EML5: variants seen among roughly 807,000 people sequenced by gnomAD.
The protein encoded by EML5 is EMAP like 5.
Under a neutral mutation model 250.0 loss-of-function variants are expected in EML5, and 120 were observed. That is an observed-to-expected ratio of 0.48 (90% CI 0.41 to 0.56). EML5 has a LOEUF of 0.56. EML5 is among the 20% of genes least tolerant of loss of function. The pLI, the probability that EML5 is intolerant of heterozygous loss-of-function variation, is 0.00. For missense variants in EML5, 2,006 were observed against 2,437.6 expected, an observed-to-expected ratio of 0.82 and a Z score of 3.73; for synonymous variants, 771 against 806.5, an observed-to-expected ratio of 0.96 and a Z score of 0.75.
At chr14:88,702,745 T>C (rs2093239837) in intron 13 of EML5, 113 bp from the exon 14 acceptor site, 1 of 755,012 alleles carries the variant, frequency 1.3e-6, no homozygotes, top group Middle Eastern at 3.9e-4. Context: ...TTTCCAGTTT[T>C]ACAGGATACT....
intron 10 of EML5, among the ~76,000 whole-genome samples, chr14:88,710,900 T>C (rs1457448130): frequency 6.6e-6 from 1 of 152,218 alleles, no homozygotes; most frequent in African/African-American, 2.4e-5. Context: ...TGAAATAAAA[T>C]TATTGTGCAA....
chr14:88,673,413 G>T (rs1329743452), intron 21 of EML5, among the ~76,000 whole-genome samples: 1 of 152,048 alleles, frequency 6.6e-6, no homozygotes, highest in Non-Finnish European at 1.5e-5. Flanking sequence ...AACCCACAGT[G>T]AGTATCATAC....
chr14:88,691,816 AG>A (rs1236311944), intron 17 of EML5, among the ~76,000 whole-genome samples: 1 of 152,222 alleles, frequency 6.6e-6, no homozygotes, highest in East Asian at 1.9e-4. Context: ...CCCAAAAGTA[AG>A]GAAGGTTGAA....
At chr14:88,643,901 T>G (rs527568086) in intron 30 of EML5, among the ~76,000 whole-genome samples, 30 of 152,312 alleles carry the variant, frequency 2.0e-4, no homozygotes, top group African/African-American at 6.7e-4. Context: ...TTACGTTTGA[T>G]TTAGCAGAGT....
intron 21 of EML5, among the ~76,000 whole-genome samples, chr14:88,666,907 T>C (rs1007742127): frequency 3.3e-5 from 5 of 152,182 alleles, no homozygotes; most frequent in Non-Finnish European, 7.3e-5. Flanking sequence ...AAATCTAAGA[T>C]GTGATTTCTC....
rs146695268 is a variant in EML5, at chr14:88,783,168, G to A, written c.197+9139C>T. Among the ~76,000 whole-genome samples, 89 of 152,364 alleles carry A rather than the reference G, an allele frequency of 5.8e-4. 2 individuals carry two copies. In the East Asian group the frequency reaches 0.017, roughly 29 times the overall value. ...TATGTTGCAGGGGCGGAGCCCTCAT[G>A]GAGAACCTCTGCTAGGGAAGTGCAT... On this transcript the variant is annotated intron_variant, in intron 1 of 43. Transcript: ENST00000554922.
At chr14:88,684,609 A>G (rs1450056661) in intron 20 of EML5, among the ~76,000 whole-genome samples, 1 of 151,954 alleles carries the variant, frequency 6.6e-6, no homozygotes, top group Non-Finnish European at 1.5e-5. Flanking sequence ...GGCTCAACAA[A>G]TATACCTTAT....
rs2087263905 is a variant in EML5 at position 88,614,273 on chromosome 14, A to G, written c.*1545T>C. 6.6e-6 allele frequency: 1 copy of G among 152,196 alleles called. No individual in the cohort carries two copies. Among genetic ancestry groups the G allele is most frequent in the Admixed American group, 6.5e-5 (1 of 15,278 alleles). 9.4% of individuals were successfully genotyped at this position (152,196 alleles called of 1,614,324 possible). ...TAGAAACTTAATAGTCATGTATTTC[A>G]AAATTTGGCTTAATTTAGGAGAATC... On this transcript the variant is annotated 3_prime_UTR_variant, in exon 44 of 44. Coordinates refer to ENST00000554922, the MANE Select transcript of EML5 (RefSeq NM_183387.3).
intron 33 of EML5, among the ~76,000 whole-genome samples, chr14:88,629,669 A>C (rs577081255): frequency 3.3e-5 from 5 of 152,292 alleles, no homozygotes; most frequent in African/African-American, 9.6e-5. Flanking sequence ...CAGGCATGTT[A>C]CTGGGGACAT....
intron 7 of EML5, among the ~76,000 whole-genome samples, chr14:88,728,747 T>C (rs1412337189): frequency 1.3e-5 from 2 of 152,166 alleles, no homozygotes; most frequent in Admixed American, 6.5e-5. Context: ...TTTTGGAGGA[T>C]GTTCAAATTA....
intron 4 of EML5, among the ~76,000 whole-genome samples, chr14:88,742,564 C>G (rs78946296): frequency 7.2e-5 from 11 of 151,904 alleles, no homozygotes; most frequent in African/African-American, 2.7e-4. Flanking sequence ...GAAAATGGAG[C>G]CTTTAGCTTT....
chr14:88,660,723 CAG>C (rs2140936417), intron 25 of EML5, among the ~76,000 whole-genome samples: 1 of 144,648 alleles, frequency 6.9e-6, no homozygotes, highest in South Asian at 2.2e-4. Context: ...AGCCTGGCGA[CAG>C]AGTGAGACTC....
chr14:88,649,972 T>A, intron 27 of EML5, 46 bp from the exon 28 acceptor site: 1 of 1,399,030 alleles, frequency 7.1e-7, no homozygotes. Context: ...CATATAAAAA[T>A]TGATGATGAA....
At position 88,614,460 on chromosome 14, in the gene EML5, A is replaced by G. The variant is rs760722847; in HGVS notation, c.*1358T>C. On this transcript the variant is annotated 3_prime_UTR_variant, in exon 44 of 44. Transcript: ENST00000554922. ...CTATTTTTAGTATTAACCAAGTATT[A>G]GACACAGAAAATAGGTATTAAGAAT... is the stretch of plus-strand genomic sequence containing the variant. 2.0e-5 allele frequency: 3 copies of G among 152,226 alleles called. No homozygotes were observed. The highest frequency in any genetic ancestry group is 2.9e-5 in the Non-Finnish European group (2 of 68,044). 9.4% of individuals were successfully genotyped at this position (152,226 alleles called of 1,614,324 possible).
Position 88,663,132 on chromosome 14 carries a change from T to G in EML5, c.3410-13A>C. The G allele has an allele frequency of 6.6e-7, 1 of 1,523,726 alleles. No individual in the cohort carries two copies. The highest frequency in any genetic ancestry group is 8.8e-7 in the Non-Finnish European group (1 of 1,132,516). The allele number at this position is 1,523,726 out of a possible 1,614,324, so 94.4% of individuals were successfully genotyped here. A position where few individuals can be genotyped will look rare whatever the true frequency, so the allele number is the denominator to read the frequency against. On this transcript the variant is annotated splice_polypyrimidine_tract_variant and intron_variant, in intron 23 of 43. Transcript: ENST00000554922. ...TGTAAAAGCTTTCCTTCAAAAAAAT[T>G]TTTAAAAATATTTACACATATAAAA...
chr14:88,657,250 G>T, intron 27 of EML5, 126 bp downstream of exon 27: 1 of 891,248 alleles, frequency 1.1e-6, no homozygotes, highest in East Asian at 2.8e-5. Flanking sequence ...TCTAAGAGGT[G>T]CTGTGAATTG....
intron 20 of EML5, among the ~76,000 whole-genome samples, chr14:88,682,302 T>C (rs963008185): frequency 6.6e-6 from 1 of 152,042 alleles, no homozygotes; most frequent in Non-Finnish European, 1.5e-5. Flanking sequence ...GAATAGGAAT[T>C]GGCTGCTCTG....
intron 24 of EML5, among the ~76,000 whole-genome samples, chr14:88,662,286 T>TAAA (rs5810420): frequency 2.9e-5 from 3 of 103,512 alleles, no homozygotes; most frequent in Admixed American, 1.0e-4. Flanking sequence ...AGATAAAAAA[T>TAAA]AAAAAAAAAA....
rs768506023 is a variant in EML5 at position 88,696,913 on chromosome 14, T to C, written c.2278A>G (p.Thr760Ala). 3 of 1,608,554 alleles carry C rather than the reference T, an allele frequency of 1.9e-6. No individual in the cohort carries two copies. Among genetic ancestry groups the C allele is most frequent in the South Asian group, 2.2e-5 (2 of 89,976 alleles). The change falls in exon 15 of 44, where the codon ACC becomes GCC. Residue 760 changes from threonine (T) to alanine (A), a missense_variant. Thr to Ala is a moderately conservative substitution (Grantham distance 58). Coordinates refer to ENST00000554922, the MANE Select transcript of EML5 (RefSeq NM_183387.3). The stretch of plus-strand genomic sequence containing the variant: ...TTTAATATGGACAATGGTTTAATGG[T>C]CTCTGTATCCCATATATGAATTGAG... Reference protein sequence around the residue: ...DPSIHIWDTETIKPLSILKGH... With the variant: ...DPSIHIWDTEAIKPLSILKGH...
Sources: allele counts gnomAD v4.1 joint callset (sites outside exome capture counted in the v4.1 genomes callset), GRCh38; gene constraint gnomAD v4.1.1; transcripts MANE v1.5; gene names NCBI Gene and HGNC (gene_info 2026-07-23, HGNC 2026-07-21).